The following PLXNC1 variants were observed in gnomAD, a reference collection of about 807,000 sequenced individuals.
PLXNC1 encodes plexin-C1.
A neutral mutation model predicts 178.2 loss-of-function variants in PLXNC1; 75 were observed. The ratio of observed to expected loss-of-function variants is 0.42; its 90% CI spans 0.35 to 0.51. PLXNC1 has a LOEUF of 0.51. PLXNC1 is among the 20% of genes least tolerant of loss of function. The pLI, the probability that PLXNC1 is intolerant of heterozygous loss-of-function variation, is 0.02. For synonymous variants in PLXNC1, 790 were observed against 779.9 expected (o/e 1.01, Z -0.22); for missense variants, 1,503 against 1,984.4 (o/e 0.76, Z 4.61).
At chr12:94,293,510 A>G (rs1194259643) in intron 23 of PLXNC1, among the ~76,000 whole-genome samples, 1 of 152,246 alleles carries the variant, frequency 6.6e-6, no homozygotes, top group African/African-American at 2.4e-5. Flanking sequence ...TGTCTGGGCA[A>G]AGTACTAGTA....
intron 5 of PLXNC1, 22 bp downstream of exon 5, chr12:94,209,726 T>C: frequency 7.2e-7 from 1 of 1,392,980 alleles, no homozygotes; most frequent in Non-Finnish European, 1.0e-6. Flanking sequence ...GATTTTAATT[T>C]GTCCTCGTTG....
intron 20 of PLXNC1, among the ~76,000 whole-genome samples, chr12:94,261,240 C>T (rs901287042): frequency 6.6e-6 from 1 of 152,244 alleles, no homozygotes; most frequent in Non-Finnish European, 1.5e-5. Context: ...AAGCTAATTG[C>T]AGTCAATTCC....
intron 6 of PLXNC1, among the ~76,000 whole-genome samples, chr12:94,224,007 G>T (rs1963868872): frequency 6.6e-6 from 1 of 152,174 alleles, no homozygotes. Context: ...ACTCGAGGTG[G>T]GTTCAGTCTG....
chr12:94,160,205 T>G (rs1035038850), intron 1 of PLXNC1, among the ~76,000 whole-genome samples: 5 of 152,142 alleles, frequency 3.3e-5, no homozygotes, highest in African/African-American at 9.7e-5. Flanking sequence ...TGGCTCATCT[T>G]TCTTTCCCAG....
At position 94,305,614 on chromosome 12, in the gene PLXNC1, T is replaced by G. The variant is rs1475802207; in HGVS notation, c.*329T>G. 1.8e-5 allele frequency: 4 copies of G among 221,192 alleles called. No individual in the cohort carries two copies. Among genetic ancestry groups the G allele is most frequent in the Non-Finnish European group, 3.6e-5 (4 of 111,924 alleles). The allele number at this position is 221,192 out of a possible 1,614,324, so 13.7% of individuals were successfully genotyped here. A position where few individuals can be genotyped will look rare whatever the true frequency, so the allele number is the denominator to read the frequency against. On this transcript the variant is annotated 3_prime_UTR_variant, in exon 31 of 31. Transcript: ENST00000258526. ...TTAAGCACAATGATATAAGTGGTTTTGTTTGAAAACTACAGCTATGTAGCA... is the reference window on the plus strand; with the variant it reads ...TTAAGCACAATGATATAAGTGGTTTGGTTTGAAAACTACAGCTATGTAGCA...
At chr12:94,279,331 A>G (rs1966249117) in intron 21 of PLXNC1, 141 bp from the exon 22 acceptor site, 1 of 631,754 alleles carries the variant, frequency 1.6e-6, no homozygotes, top group East Asian at 2.8e-5. Context: ...AGAAAAGATG[A>G]AAGTAGTCTA....
chr12:94,187,227 T>G (rs2135968906), intron 4 of PLXNC1, among the ~76,000 whole-genome samples: 1 of 149,922 alleles, frequency 6.7e-6, no homozygotes. Flanking sequence ...GTCAGTTTGG[T>G]GCTTTCAGTT....
chr12:94,244,507 T>C (rs1409205266), intron 12 of PLXNC1, among the ~76,000 whole-genome samples: 1 of 152,158 alleles, frequency 6.6e-6, no homozygotes, highest in Non-Finnish European at 1.5e-5. Context: ...TTCCCTACCA[T>C]CTGATGTCAC....
In PLXNC1 at chr12:94,181,584, G is replaced by C; in HGVS notation, c.1338+4G>C. 1.2e-6 allele frequency: 2 copies of C among 1,601,658 alleles called. No individual in the cohort carries two copies. The highest frequency in any genetic ancestry group is 1.7e-6 in the Non-Finnish European group (2 of 1,171,418). ...TTATCTAACAGCTGGGAAAGAGGTA[G>C]GTAGAAATACTAGTTATTGCTTCTG... On this transcript the variant is annotated splice_donor_region_variant and intron_variant, in intron 3 of 30. Coordinates refer to ENST00000258526, the MANE Select transcript of PLXNC1 (RefSeq NM_005761.3).
intron 10 of PLXNC1, 138 bp downstream of exon 10, chr12:94,237,941 G>C (rs1322838901): frequency 1.4e-5 from 10 of 722,960 alleles, no homozygotes; most frequent in Admixed American, 6.2e-5. Context: ...CAGAGTATTT[G>C]ACATAATATA....
intron 19 of PLXNC1, among the ~76,000 whole-genome samples, 198 bp downstream of exon 19, chr12:94,259,932 T>C (rs1214827652): frequency 6.6e-6 from 1 of 151,516 alleles, no homozygotes; most frequent in Non-Finnish European, 1.5e-5. Flanking sequence ...AAATCAAACC[T>C]GAGTCCCATA....
intron 15 of PLXNC1, among the ~76,000 whole-genome samples, chr12:94,253,504 G>A (rs529878394): frequency 6.6e-6 from 1 of 152,200 alleles, no homozygotes; most frequent in African/African-American, 2.4e-5. Context: ...GACTGTCCTG[G>A]AAAAAGGGGT....
intron 9 of PLXNC1, 38 bp downstream of exon 9, chr12:94,227,273 G>A (rs1193111100): frequency 7.4e-6 from 9 of 1,214,618 alleles, no homozygotes; most frequent in African/African-American, 1.5e-5. Context: ...GGGAAAACCT[G>A]TCTTTGAATG....
chr12:94,209,851 TTG>T (rs1381803777), intron 5 of PLXNC1, 147 bp downstream of exon 5: 2 of 577,398 alleles, frequency 3.5e-6, no homozygotes, highest in Non-Finnish European at 3.1e-6. Flanking sequence ...TTAACGAATA[TTG>T]AGTGCCCACC....
At chr12:94,213,660 G>A (rs1963559261) in intron 5 of PLXNC1, among the ~76,000 whole-genome samples, 1 of 152,154 alleles carries the variant, frequency 6.6e-6, no homozygotes, top group African/African-American at 2.4e-5. Context: ...AGTTTAATTA[G>A]ATCCCATTTG....
intron 21 of PLXNC1, among the ~76,000 whole-genome samples, chr12:94,277,463 G>A (rs993468679): frequency 1.4e-4 from 22 of 152,130 alleles, no homozygotes; most frequent in African/African-American, 5.3e-4. Flanking sequence ...ATAAGTCACG[G>A]GCTCACATGC....
rs140030336 is a variant in PLXNC1 at position 94,278,080 on chromosome 12, G to A, written c.3598-1392G>A. The A allele has an allele frequency of 1.7e-3, 793 of 455,888 alleles. 3 individuals carry two copies. The highest frequency in any genetic ancestry group is 0.015 in the African/African-American group (733 of 50,130). 28.2% of individuals were successfully genotyped at this position (455,888 alleles called of 1,614,324 possible). A position where few individuals can be genotyped will look rare whatever the true frequency, so the allele number is the denominator to read the frequency against. ...GCCCCCCCTCCCTCTGTCTCTGTAT[G>A]GGCGAGCATCTTCCTTCTGTCTTCT... On this transcript the variant is annotated intron_variant, in intron 21 of 30. Coordinates refer to ENST00000258526, the MANE Select transcript of PLXNC1 (RefSeq NM_005761.3).
At chr12:94,289,515 A>G (rs1023003420) in intron 23 of PLXNC1, among the ~76,000 whole-genome samples, 8 of 152,100 alleles carry the variant, frequency 5.3e-5, no homozygotes, top group African/African-American at 1.9e-4. Context: ...TTTGGTTTTC[A>G]TCCCTAAAGT....
At chr12:94,150,231 G>T (rs1213831132) in intron 1 of PLXNC1, among the ~76,000 whole-genome samples, 198 bp downstream of exon 1, 1 of 152,184 alleles carries the variant, frequency 6.6e-6, no homozygotes, top group African/African-American at 2.4e-5. Flanking sequence ...CACGGCCTGA[G>T]GTCCCCAAAG....
Sources: gnomAD v4.1 joint callset for allele counts (sites outside exome capture counted in the v4.1 genomes callset) on GRCh38, gnomAD v4.1.1 for gene constraint, MANE v1.5 for transcripts, NCBI Gene and HGNC (gene_info 2026-07-23, HGNC 2026-07-21) for gene names.